Variants in PPM1E observed in about 807,000 individuals in gnomAD.
PPM1E encodes the protein protein phosphatase, Mg2+/Mn2+ dependent 1E, also known as protein phosphatase 1E.
In PPM1E, 20 loss-of-function variants were observed where a neutral mutation model predicts 65.9. That is an observed-to-expected ratio of 0.30 (90% CI 0.21 to 0.44). The LOEUF is 0.44. Ranked by LOEUF, PPM1E falls within the 20% of genes least tolerant of loss-of-function variation. The probability of loss-of-function intolerance (pLI) is 1.00; values close to 1 mark genes in which losing one functional copy is unlikely to be tolerated. For synonymous variants in PPM1E, 352 were observed against 374.9 expected (o/e 0.94, Z 0.70); for missense variants, 713 against 953.1 (o/e 0.75, Z 3.32).
intron 1 of PPM1E, among the ~76,000 whole-genome samples, chr17:58,918,091 T>G (rs1033376919): frequency 6.6e-6 from 1 of 152,216 alleles, no homozygotes; most frequent in Non-Finnish European, 1.5e-5. Context: ...TTTCTTTTAA[T>G]TTTTAAAATT....
At chr17:58,798,553 A>G (rs1287563229) in intron 1 of PPM1E, among the ~76,000 whole-genome samples, 2 of 144,610 alleles carry the variant, frequency 1.4e-5, no homozygotes, top group Non-Finnish European at 3.0e-5. Flanking sequence ...TTTTTACGCA[A>G]TAGTGTCTTC....
At chr17:58,900,097 G>C (rs1219080832) in intron 1 of PPM1E, among the ~76,000 whole-genome samples, 1 of 152,072 alleles carries the variant, frequency 6.6e-6, no homozygotes, top group Non-Finnish European at 1.5e-5. Flanking sequence ...TCTTAACATG[G>C]AATCTACTCA....
chr17:58,847,078 G>C (rs2050779142), intron 1 of PPM1E, among the ~76,000 whole-genome samples: 1 of 152,120 alleles, frequency 6.6e-6, no homozygotes, highest in Admixed American at 6.6e-5. Context: ...TTTTTGAGAA[G>C]TGTCTGTTCA....
intron 1 of PPM1E, among the ~76,000 whole-genome samples, chr17:58,898,628 A>G (rs189358639): frequency 6.6e-6 from 1 of 152,302 alleles, no homozygotes; most frequent in African/African-American, 2.4e-5. Flanking sequence ...AGAACTAGAA[A>G]TACCATTTGA....
At chr17:58,810,179 A>G (rs938449116) in intron 1 of PPM1E, among the ~76,000 whole-genome samples, 5 of 152,042 alleles carry the variant, frequency 3.3e-5, no homozygotes, top group African/African-American at 1.2e-4. Flanking sequence ...AGTTTTTGTC[A>G]AGAATAATTC....
intron 1 of PPM1E, among the ~76,000 whole-genome samples, chr17:58,854,376 C>G (rs2050859632): frequency 1.3e-5 from 2 of 152,064 alleles, no homozygotes; most frequent in South Asian, 4.1e-4. Context: ...TTTACTTTTT[C>G]CTTGCCAATT....
intron 1 of PPM1E, among the ~76,000 whole-genome samples, chr17:58,843,675 G>T (rs1049992672): frequency 3.3e-5 from 5 of 151,174 alleles, no homozygotes; most frequent in Admixed American, 6.6e-5. Flanking sequence ...ATATATGTAT[G>T]CAAAAATTAG....
At chr17:58,852,879 G>T (rs771816315) in intron 1 of PPM1E, among the ~76,000 whole-genome samples, 14 of 152,152 alleles carry the variant, frequency 9.2e-5, no homozygotes, top group Non-Finnish European at 1.9e-4. Context: ...TGGGATTACA[G>T]GTGTGAGCCA....
At chr17:58,958,966 C>A (rs942175364) in intron 2 of PPM1E, among the ~76,000 whole-genome samples, 1 of 151,722 alleles carries the variant, frequency 6.6e-6, no homozygotes, top group African/African-American at 2.4e-5. Context: ...CAGAACCTAC[C>A]CAAGACTAAA....
chr17:58,756,079 G>C lies in PPM1E; in HGVS notation c.82G>C (p.Gly28Arg), dbSNP rs766398085. 3 of 1,611,018 alleles carry C rather than the reference G, an allele frequency of 1.9e-6. No homozygotes were observed. The highest frequency in any genetic ancestry group is 2.2e-5 in the South Asian group (2 of 90,936). ...FLGEFRGPCG[G>R]GEPEPEPEPE... ...GGGCGAGTTTCGCGGACCGTGCGGC[G>C]GCGGCGAGCCGGAGCCGGAACCCGA... The change falls in exon 1 of 7, where the codon GGC (glycine) becomes CGC (arginine). Residue 28 changes from glycine (G) to arginine (R), a missense_variant. Gly to Arg is a moderately radical substitution (Grantham distance 125). Around this residue, in one of 6 missense-constraint regions of PPM1E, gnomAD observed 212 missense variants for 204.0 expected, o/e 1.04. Transcript: ENST00000308249.
intron 1 of PPM1E, among the ~76,000 whole-genome samples, chr17:58,788,040 A>G (rs2050119572): frequency 6.6e-6 from 1 of 151,960 alleles, no homozygotes; most frequent in Non-Finnish European, 1.5e-5. Context: ...CAGCACATCA[A>G]ACTGTATAAA....
intron 1 of PPM1E, among the ~76,000 whole-genome samples, chr17:58,942,858 T>C (rs1227187646): frequency 6.6e-6 from 1 of 151,568 alleles, no homozygotes. Context: ...GATTTGAGTA[T>C]CTTAAAAAGA....
intron 1 of PPM1E, among the ~76,000 whole-genome samples, chr17:58,854,543 G>A (rs896042028): frequency 2.6e-5 from 4 of 151,790 alleles, no homozygotes; most frequent in African/African-American, 7.3e-5. Flanking sequence ...GCTTTTTGTG[G>A]GTTTTTCATA....
At chr17:58,775,623 G>C (rs1371356208) in intron 1 of PPM1E, among the ~76,000 whole-genome samples, 1 of 151,998 alleles carries the variant, frequency 6.6e-6, no homozygotes, top group Non-Finnish European at 1.5e-5. Flanking sequence ...GATTTCTTAA[G>C]AATAGTTGGG....
At chr17:58,848,839 G>A (rs1168415745) in intron 1 of PPM1E, among the ~76,000 whole-genome samples, 4 of 152,228 alleles carry the variant, frequency 2.6e-5, no homozygotes, top group African/African-American at 9.6e-5. Context: ...AATAGTTTCA[G>A]AAGGAATGGT....
At chr17:58,955,604 T>C (rs1294286308) in intron 1 of PPM1E, 45 bp from the exon 2 acceptor site, 1 of 1,599,386 alleles carries the variant, frequency 6.3e-7, no homozygotes, top group Non-Finnish European at 8.5e-7. Flanking sequence ...TGTATTACTT[T>C]CTAATTCTTT....
In PPM1E at chr17:58,980,549, G is replaced by A; in HGVS notation, c.1786G>A (p.Ala596Thr). Residue 596 changes from alanine to threonine, a missense_variant, in exon 7 of 7, where the codon GCA becomes ACA. Ala to Thr is a moderately conservative substitution (Grantham distance 58). Around this residue, in one of 6 missense-constraint regions of PPM1E, gnomAD observed 286 missense variants for 313.8 expected, o/e 0.91. Transcript: ENST00000308249. The surrounding 1 kb of genome is among the most constrained non-coding windows in gnomAD (Gnocchi z 4.7). ...LLPVEMFGPG[A>T]PKKANLINEL... ...ACCAGTTGAGATGTTTGGTCCTGGTGCACCAAAGAAAGCAAATCTTATTAA... is the reference window on the plus strand; with the variant it reads ...ACCAGTTGAGATGTTTGGTCCTGGTACACCAAAGAAAGCAAATCTTATTAA... 1 of 1,614,196 alleles carries A rather than the reference G, an allele frequency of 6.2e-7. No individual in the cohort carries two copies. Among genetic ancestry groups the A allele is most frequent in the Non-Finnish European group, 8.5e-7 (1 of 1,180,030 alleles).
At chr17:58,783,567 T>C (rs1264609243) in intron 1 of PPM1E, among the ~76,000 whole-genome samples, 2 of 152,218 alleles carry the variant, frequency 1.3e-5, no homozygotes, top group East Asian at 1.9e-4. Context: ...CCCTTTCTCA[T>C]GTGGCAAAAG....
chr17:58,834,017 T>C (rs1391679968), intron 1 of PPM1E, among the ~76,000 whole-genome samples: 2 of 152,208 alleles, frequency 1.3e-5, no homozygotes, highest in Non-Finnish European at 2.9e-5. Flanking sequence ...TTTTTTCGTG[T>C]TCATTGGCCA....
Sources: allele counts gnomAD v4.1 joint callset (sites outside exome capture counted in the v4.1 genomes callset), GRCh38; gene constraint gnomAD v4.1.1; regional missense constraint gnomAD v4.1.1; non-coding constraint Gnocchi (gnomAD v3.1); transcripts MANE v1.5; gene names NCBI Gene and HGNC (gene_info 2026-07-23, HGNC 2026-07-21).